CFAP52: variants seen among roughly 807,000 people sequenced by gnomAD.
The protein encoded by CFAP52 is cilia- and flagella-associated protein 52.
CFAP52 carries 57 observed loss-of-function variants against 70.5 expected under a neutral mutation model. That is an observed-to-expected ratio of 0.81 (90% confidence interval 0.65 to 1.01). The LOEUF (loss-of-function observed/expected upper bound fraction) is 1.01. Ranked by LOEUF, CFAP52 falls within the 50% of genes least tolerant of loss-of-function variation. The pLI is 0.00. For synonymous variants in CFAP52, 267 were observed against 292.5 expected (o/e 0.91, Z 0.89); for missense variants, 785 against 788.5 (o/e 1.00, Z 0.05).
chr17:9,635,642 A>G (rs1277481391), intron 11 of CFAP52, 86 bp downstream of exon 11: 3 of 1,549,166 alleles, frequency 1.9e-6, no homozygotes, highest in Non-Finnish European at 2.6e-6. Flanking sequence ...GAAGATTCAC[A>G]TGGAGGGTAG....
intron 10 of CFAP52, among the ~76,000 whole-genome samples, chr17:9,633,778 G>A (rs907215560): frequency 2.2e-4 from 33 of 151,236 alleles, no homozygotes; most frequent in Non-Finnish European, 3.7e-4. Flanking sequence ...CTGGGTTCAC[G>A]CCATTCGCCT....
chr17:9,638,611 G>A lies in CFAP52; in HGVS notation c.1475G>A (p.Arg492His), dbSNP rs764423806. ...CAGCTTTTGAATCTACTTTCCAGGC[G>A]TCTCAGGAGGAATCAGATGATACTA... ...DGTCIIWDLVRLRRNQMILAN... is the reference protein window; with the variant it reads ...DGTCIIWDLVHLRRNQMILAN... The change falls in exon 12 of 14, where the codon CGT becomes CAT. Residue 492 changes from arginine (R) to histidine (H), a missense_variant and splice_region_variant. Arg to His is a conservative substitution (Grantham distance 29). Transcript: ENST00000352665. 2.3e-5 allele frequency: 37 copies of A among 1,613,756 alleles called. No individual in the cohort carries two copies. The highest frequency in any genetic ancestry group is 9.3e-5 in the African/African-American group (7 of 74,914).
At chr17:9,592,795 T>G (rs9907091) in intron 3 of CFAP52, among the ~76,000 whole-genome samples, 1 of 152,248 alleles carries the variant, frequency 6.6e-6, no homozygotes, top group South Asian at 2.1e-4. Context: ...CACTTCTAAA[T>G]TATTATTAAT....
At chr17:9,645,449 C>T, downstream of CFAP52, 2 of 437,394 alleles carry the variant, frequency 4.6e-6, no homozygotes, top group Non-Finnish European at 6.8e-6. The surrounding 1 kb of genome is among the most constrained non-coding windows in gnomAD (Gnocchi z 6.8). Context: ...GGGGGCTGGT[C>T]GTGCCGCCGG....
intron 4 of CFAP52, among the ~76,000 whole-genome samples, chr17:9,596,080 TATATATATATATATATATATATGTAC>T (rs1909003206): frequency 7.2e-6 from 1 of 138,946 alleles, no homozygotes; most frequent in African/African-American, 2.6e-5. Context: ...TATATATATA[TATATATATATATATATATATATGTAC>T]ACATATAGAG....
chr17:9,633,199 A>G (rs1910632303), intron 10 of CFAP52, among the ~76,000 whole-genome samples, 166 bp downstream of exon 10: 1 of 152,188 alleles, frequency 6.6e-6, no homozygotes, highest in Admixed American at 6.5e-5. Flanking sequence ...AAGTTCTAAT[A>G]TTATAAATGT....
chr17:9,606,288 C>A (rs938787253), intron 6 of CFAP52, among the ~76,000 whole-genome samples: 1 of 152,016 alleles, frequency 6.6e-6, no homozygotes, highest in East Asian at 1.9e-4. Context: ...GAGGCTGAGG[C>A]AGGAGAATTG....
At chr17:9,614,817 A>G (rs1269510636) in intron 8 of CFAP52, among the ~76,000 whole-genome samples, 1 of 152,156 alleles carries the variant, frequency 6.6e-6, no homozygotes, top group East Asian at 1.9e-4. Context: ...ACGACCAAAA[A>G]ATGTCCCCAG....
intron 8 of CFAP52, among the ~76,000 whole-genome samples, chr17:9,615,652 C>T (rs1909874260): frequency 6.6e-6 from 1 of 151,762 alleles, no homozygotes. Context: ...TAAGGTCTTC[C>T]TCTGTCACCC....
At position 9,643,157 on chromosome 17, in the gene CFAP52, G is replaced by T; in HGVS notation, c.1822G>T (p.Asp608Tyr). The T allele has an allele frequency of 1.2e-6, 2 of 1,612,482 alleles. No homozygotes were observed. The highest frequency in any genetic ancestry group is 1.7e-6 in the Non-Finnish European group (2 of 1,179,376). ...GNQYIVSVSA[D>Y]GAILRWKYPY... The stretch of plus-strand genomic sequence containing the variant: ...TCAATATATTGTTAGTGTAAGTGCC[G>T]ATGGAGCCATTTTGCGATGGAAGTA... Residue 608 changes from aspartate (D) to tyrosine (Y), a missense_variant, in exon 14 of 14, where the codon GAT (aspartate) becomes TAT (tyrosine). Asp to Tyr is a radical substitution (Grantham distance 160). Coordinates refer to ENST00000352665, the MANE Select transcript of CFAP52 (RefSeq NM_145054.5).
rs151185341 is a variant in CFAP52 at position 9,629,454 on chromosome 17, G to A, written c.1174+634G>A. Among the ~76,000 whole-genome samples, 129 of 151,382 alleles carry A rather than the reference G, an allele frequency of 8.5e-4. No individual in the cohort carries two copies. In the Middle Eastern group the frequency reaches 0.028, roughly 33 times the overall value. On this transcript the variant is annotated intron_variant, in intron 9 of 13. Coordinates refer to ENST00000352665, the MANE Select transcript of CFAP52 (RefSeq NM_145054.5). ...AATGGTGACACCAGGAAACCATCTC[G>A]CCCCTCTTTTCTTTCTTTCCCTTTC... is the stretch of plus-strand genomic sequence containing the variant.
In CFAP52 at chr17:9,628,886, T is replaced by C. The variant is rs1415224945; in HGVS notation, c.1174+66T>C. 3 of 1,603,288 alleles carry C rather than the reference T, an allele frequency of 1.9e-6. No individual in the cohort carries two copies. In the East Asian group the frequency reaches 6.7e-5, roughly 36 times the overall value. On this transcript the variant is annotated intron_variant, in intron 9 of 13. Coordinates refer to ENST00000352665, the MANE Select transcript of CFAP52 (RefSeq NM_145054.5). ...GCGGTTTTGATTCTTGTCACTCTCC[T>C]CCCATACTAGTCTCTACATGTGGAT... is the stretch of plus-strand genomic sequence containing the variant.
In CFAP52 at chr17:9,643,352, T is replaced by G. The variant is rs1431550228; in HGVS notation, c.*154T>G. On this transcript the variant is annotated 3_prime_UTR_variant, in exon 14 of 14. Coordinates refer to ENST00000352665, the MANE Select transcript of CFAP52 (RefSeq NM_145054.5). ...TCTTTATAGAATGCATTTTATATTC[T>G]TAAATTGCATATTAAAATTGAAGTA... 17 of 516,060 alleles carry G rather than the reference T, an allele frequency of 3.3e-5. No individual in the cohort carries two copies. The highest frequency in any genetic ancestry group is 4.3e-5 in the Non-Finnish European group (14 of 328,222). The allele number at this position is 516,060 out of a possible 1,614,324, so 32.0% of individuals were successfully genotyped here. A position where few individuals can be genotyped will look rare whatever the true frequency, so the allele number is the denominator to read the frequency against.
chr17:9,600,213 C>T (rs1255122184), intron 6 of CFAP52, 30 bp downstream of exon 6: 4 of 1,567,688 alleles, frequency 2.6e-6, no homozygotes, highest in Non-Finnish European at 3.5e-6. Flanking sequence ...ACTGCCCTGC[C>T]ATTTTTCTCC....
Position 9,608,121 on chromosome 17 carries a change from A to G in CFAP52, c.756A>G (p.Gly252=). 2 of 1,610,760 alleles carry G rather than the reference A, an allele frequency of 1.2e-6. No individual in the cohort carries two copies. Among genetic ancestry groups the G allele is most frequent in the Non-Finnish European group, 1.7e-6 (2 of 1,178,202 alleles). ...CTTAACACAGTTTTTCCCCCTAGGG[A>G]GTGTCAGCTATCAGGTGCCTGAAGA... The part of the protein sequence containing the change: ...VGPAKDKFSL[G]VSAIRCLKMG... Residue 252 remains glycine, a splice_region_variant and synonymous_variant, in exon 7 of 14, where the codon GGA becomes GGG. Transcript: ENST00000352665.
chr17:9,630,520 C>T (rs2151948721), intron 9 of CFAP52, among the ~76,000 whole-genome samples: 1 of 149,466 alleles, frequency 6.7e-6, no homozygotes, highest in African/African-American at 2.5e-5. Flanking sequence ...AGCTCCGCCT[C>T]CCGGGTTCAC....
At chr17:9,591,218 G>A (rs1222449869) in intron 3 of CFAP52, among the ~76,000 whole-genome samples, 2 of 7,540 alleles carry the variant, frequency 2.7e-4, no homozygotes, top group East Asian at 0.12. Context: ...TGCATTTTTA[G>A]TAGAGACGGG....
intron 1 of CFAP52, among the ~76,000 whole-genome samples, chr17:9,577,001 G>A (rs1000195474): frequency 2.0e-5 from 3 of 152,204 alleles, no homozygotes; most frequent in African/African-American, 7.2e-5. Flanking sequence ...GCTCGGACAA[G>A]CGCCAGCACC....
intron 11 of CFAP52, 147 bp from the exon 12 acceptor site, chr17:9,638,462 A>G: frequency 1.5e-6 from 1 of 674,972 alleles, no homozygotes; most frequent in Non-Finnish European, 2.6e-6. Flanking sequence ...AAGAAATACA[A>G]GCACCACTTT....
Sources: gnomAD v4.1 joint callset for allele counts (sites outside exome capture counted in the v4.1 genomes callset) on GRCh38, gnomAD v4.1.1 for gene constraint, Gnocchi (gnomAD v3.1) non-coding constraint, MANE v1.5 for transcripts, NCBI Gene and HGNC (gene_info 2026-07-23, HGNC 2026-07-21) for gene names.